The following PCGF5 variants were observed in gnomAD, a reference collection of about 807,000 sequenced individuals.
The protein encoded by PCGF5 is polycomb group ring finger 5, also known as polycomb group RING finger protein 5.
Under a neutral mutation model 44.3 loss-of-function variants are expected in PCGF5, and 9 were observed. The observed-to-expected ratio is 0.20, with a 90% CI of 0.12 to 0.35. The LOEUF (loss-of-function observed/expected upper bound fraction) is 0.35, where lower values mean the gene tolerates loss of function less well. PCGF5 is among the 10% of genes least tolerant of loss of function. The probability of loss-of-function intolerance (pLI) is 1.00; values close to 1 mark genes in which losing one functional copy is unlikely to be tolerated. For missense variants in PCGF5, 146 were observed against 305.3 expected (o/e 0.48, Z 3.89); for synonymous variants, 95 against 102.5 (o/e 0.93, Z 0.44).
At chr10:91,216,948 TAC>T (rs1844552102), upstream of PCGF5, among the ~76,000 whole-genome samples, 1 of 152,228 alleles carries the variant, frequency 6.6e-6, no homozygotes, top group African/African-American at 2.4e-5. Flanking sequence ...ACCTTTATAT[TAC>T]AGAGAGTAGT....
In PCGF5 at chr10:91,279,507, A is replaced by G. The variant is rs1294204737; in HGVS notation, c.*1191A>G. 6.6e-6 allele frequency: 1 copy of G among 152,282 alleles called. No homozygotes were observed. The highest frequency in any genetic ancestry group is 1.9e-4 in the East Asian group (1 of 5,190). The allele number at this position is 152,282 out of a possible 1,614,324, so 9.4% of individuals were successfully genotyped here. A position where few individuals can be genotyped will look rare whatever the true frequency, so the allele number is the denominator to read the frequency against. ...ATACATGAGTTCATTAAGATCAGAAATACAAAATGTCCTGTATTTTGCAGT... is the reference window on the plus strand; with the variant it reads ...ATACATGAGTTCATTAAGATCAGAAGTACAAAATGTCCTGTATTTTGCAGT... On this transcript the variant is annotated 3_prime_UTR_variant, in exon 10 of 10. Transcript: ENST00000336126.
At chr10:91,207,254 G>A (rs886550001) in intron 1 of PCGF5, among the ~76,000 whole-genome samples, 2 of 152,194 alleles carry the variant, frequency 1.3e-5, no homozygotes, top group Non-Finnish European at 2.9e-5. Flanking sequence ...CTACTAGAGA[G>A]TTGTGAGATG....
chr10:91,163,239 G>A (rs1843424444), intron 1 of PCGF5, among the ~76,000 whole-genome samples: 2 of 150,348 alleles, frequency 1.3e-5, no homozygotes. Context: ...GGGGTCACAA[G>A]TTGCCTAACC....
At chr10:91,240,700 T>G in intron 3 of PCGF5, 120 bp downstream of exon 3, 1 of 502,912 alleles carries the variant, frequency 2.0e-6, no homozygotes, top group Admixed American at 3.7e-5. Flanking sequence ...ACTTATGATT[T>G]TCATTTTAAA....
At chr10:91,244,255 G>A (rs755066917) in intron 3 of PCGF5, among the ~76,000 whole-genome samples, 7 of 152,248 alleles carry the variant, frequency 4.6e-5, no homozygotes, top group East Asian at 3.9e-4. Context: ...AGACTTAAGC[G>A]AAGACTTGGA....
intron 2 of PCGF5, among the ~76,000 whole-genome samples, chr10:91,225,598 C>T (rs1305962794): frequency 6.6e-6 from 1 of 151,860 alleles, no homozygotes; most frequent in East Asian, 1.9e-4. Context: ...TCTTTATGTG[C>T]TCTCAGGTCC....
intron 8 of PCGF5, among the ~76,000 whole-genome samples, chr10:91,267,186 C>T (rs749879480): frequency 2.0e-5 from 3 of 152,098 alleles, no homozygotes; most frequent in Non-Finnish European, 2.9e-5. Context: ...CCTCACCTCC[C>T]CTGGTATCCA....
chr10:91,245,042 C>T (rs1323500544), intron 3 of PCGF5, among the ~76,000 whole-genome samples: 2 of 152,096 alleles, frequency 1.3e-5, no homozygotes, highest in African/African-American at 2.4e-5. Context: ...GATGAGATCA[C>T]TTCAGGGAGT....
chr10:91,227,340 C>T (rs772408536), intron 2 of PCGF5: 102 of 1,083,894 alleles, frequency 9.4e-5, no homozygotes, highest in Non-Finnish European at 1.2e-4. Flanking sequence ...TTCTTAGCTG[C>T]AGAATCCTAC....
intron 2 of PCGF5, among the ~76,000 whole-genome samples, chr10:91,223,192 CTT>C (rs1414647378): frequency 1.3e-5 from 2 of 152,090 alleles, no homozygotes; most frequent in African/African-American, 4.8e-5. Flanking sequence ...GTAGTTGACT[CTT>C]ATCACATTGT....
chr10:91,260,575 G>A (rs1283608306), intron 6 of PCGF5, among the ~76,000 whole-genome samples: 8 of 152,096 alleles, frequency 5.3e-5, no homozygotes, highest in Admixed American at 1.3e-4. Flanking sequence ...GTCCAACAAC[G>A]ATAAACTGGA....
At chr10:91,268,441 A>G (rs980101670) in intron 8 of PCGF5, among the ~76,000 whole-genome samples, 1 of 152,054 alleles carries the variant, frequency 6.6e-6, no homozygotes, top group Non-Finnish European at 1.5e-5. Context: ...TGCGACTGGC[A>G]TTGCGTTATA....
At chr10:91,248,754 G>C (rs745836969) in intron 5 of PCGF5, 30 bp downstream of exon 5, 3 of 1,562,442 alleles carry the variant, frequency 1.9e-6, no homozygotes, top group Non-Finnish European at 2.6e-6. Flanking sequence ...GTTTCTGACA[G>C]CACCTCTTAA....
intron 1 of PCGF5, among the ~76,000 whole-genome samples, chr10:91,208,080 T>C (rs953497213): frequency 2.6e-5 from 4 of 152,202 alleles, no homozygotes; most frequent in Admixed American, 2.0e-4. Context: ...TACCCAGCAA[T>C]TTTTTCTTAA....
At chr10:91,228,303 A>G (rs192650255) in intron 2 of PCGF5, among the ~76,000 whole-genome samples, 20 of 152,292 alleles carry the variant, frequency 1.3e-4, no homozygotes, top group Non-Finnish European at 2.1e-4. Context: ...CAGCAGCTCA[A>G]ATGTGACCAA....
At chr10:91,241,403 A>G (rs955955275) in intron 3 of PCGF5, among the ~76,000 whole-genome samples, 1 of 152,088 alleles carries the variant, frequency 6.6e-6, no homozygotes, top group African/African-American at 2.4e-5. Context: ...GTGGTCTATG[A>G]GATTCTAATC....
intron 1 of PCGF5, among the ~76,000 whole-genome samples, chr10:91,198,427 C>T (rs922601114): frequency 6.6e-6 from 1 of 152,148 alleles, no homozygotes; most frequent in Non-Finnish European, 1.5e-5. Context: ...ACCCAGATGC[C>T]ATCTTCTCAC....
At chr10:91,248,037 C>T (rs1167784465) in intron 3 of PCGF5, among the ~76,000 whole-genome samples, 1 of 152,110 alleles carries the variant, frequency 6.6e-6, no homozygotes. Context: ...AGCAGGGCAG[C>T]TTGGCTCTCT....
intron 3 of PCGF5, among the ~76,000 whole-genome samples, chr10:91,247,595 G>A (rs868539599): frequency 1.3e-5 from 2 of 150,212 alleles, no homozygotes; most frequent in South Asian, 4.2e-4. Context: ...GCAGGAAGGG[G>A]GTGTTGTGGG....
Sources: allele counts gnomAD v4.1 joint callset (sites outside exome capture counted in the v4.1 genomes callset), GRCh38; gene constraint gnomAD v4.1.1; transcripts MANE v1.5; gene names NCBI Gene and HGNC (gene_info 2026-07-23, HGNC 2026-07-21).